The following VPS8 variants were observed in gnomAD, a reference collection of about 807,000 sequenced individuals.
VPS8 encodes the protein vacuolar protein sorting-associated protein 8 homolog.
In VPS8, 129 loss-of-function variants were observed where a neutral mutation model predicts 216.4. That is an observed-to-expected ratio of 0.60 (90% CI 0.52 to 0.69). The LOEUF is 0.69. Among genes scored for constraint, VPS8 ranks in the 30% least tolerant of loss-of-function variants. The pLI, the probability that VPS8 is intolerant of heterozygous loss-of-function variation, is 0.00. For synonymous variants in VPS8, 571 were observed against 565.4 expected, an observed-to-expected ratio of 1.01 and a Z score of -0.14; for missense variants, 1,531 against 1,683.5, an observed-to-expected ratio of 0.91 and a Z score of 1.59.
In VPS8 at chr3:184,984,214, T is replaced by C. The variant is rs1370635686; in HGVS notation, c.3585+1120T>C. Among the ~76,000 whole-genome samples, 7 of 117,382 alleles carry C rather than the reference T, an allele frequency of 6.0e-5. No homozygotes were observed. The Admixed American group carries it at 6.6e-4, about 11-fold the overall frequency. The allele number at this position is 117,382 out of a possible 152,430, so 77.0% of individuals were successfully genotyped here. ...AAAAAACTCTACTTCCCATCTGATATTAAGCTTCTGGGGCTTTTCTGATAA... is the reference window on the plus strand; with the variant it reads ...AAAAAACTCTACTTCCCATCTGATACTAAGCTTCTGGGGCTTTTCTGATAA... On this transcript the variant is annotated intron_variant, in intron 42 of 47. Coordinates refer to ENST00000625842, the MANE Select transcript of VPS8 (RefSeq NM_001009921.3).
chr3:184,958,573 T>C (rs2109489328), intron 37 of VPS8, among the ~76,000 whole-genome samples: 1 of 152,284 alleles, frequency 6.6e-6, no homozygotes, highest in South Asian at 2.1e-4. Flanking sequence ...GAACTTTCTG[T>C]CCATAAATAA....
At chr3:184,993,572 A>G (rs1752210734) in intron 42 of VPS8, among the ~76,000 whole-genome samples, 1 of 152,122 alleles carries the variant, frequency 6.6e-6, no homozygotes, top group Non-Finnish European at 1.5e-5. Context: ...TGAGTTGGTT[A>G]GGGGCAGGAA....
intron 40 of VPS8, among the ~76,000 whole-genome samples, chr3:184,978,951 C>A (rs1749747580): frequency 6.6e-6 from 1 of 152,122 alleles, no homozygotes; most frequent in South Asian, 2.1e-4. Context: ...TATAAACTTA[C>A]CTCTTAACAC....
At chr3:184,959,667 T>A (rs187601467) in intron 37 of VPS8, among the ~76,000 whole-genome samples, 56 of 152,258 alleles carry the variant, frequency 3.7e-4, no homozygotes, top group Middle Eastern at 3.4e-3. Context: ...AATGTCAGGT[T>A]AGCAATTTTA....
intron 39 of VPS8, among the ~76,000 whole-genome samples, chr3:184,968,494 C>A (rs1252655887): frequency 6.6e-6 from 1 of 152,208 alleles, no homozygotes; most frequent in African/African-American, 2.4e-5. Context: ...TACATTCCCA[C>A]CAACAGTACA....
At chr3:184,956,001 T>G (rs1197745901) in intron 36 of VPS8, among the ~76,000 whole-genome samples, 1 of 152,132 alleles carries the variant, frequency 6.6e-6, no homozygotes, top group Non-Finnish European at 1.5e-5. Flanking sequence ...CTTTGGAATT[T>G]ATAGCCAATT....
At chr3:184,965,138 C>A (rs1044772977) in intron 38 of VPS8, among the ~76,000 whole-genome samples, 2 of 152,048 alleles carry the variant, frequency 1.3e-5, no homozygotes, top group African/African-American at 4.8e-5. Context: ...GGTGAAGTGA[C>A]GTAGCAGTTT....
rs527800417 is a variant in VPS8 at position 184,926,402 on chromosome 3, ATAGT to A, written c.2575-188_2575-185del. ...AATAAATAAATAAATAAATAAATAA[ATAGT>A]TAGCACACCTGCACCTGATGTTACA... On this transcript the variant is annotated intron_variant, in intron 30 of 47. Coordinates refer to ENST00000625842, the MANE Select transcript of VPS8 (RefSeq NM_001009921.3). 3.2e-4 allele frequency among the ~76,000 whole-genome samples: 47 copies of A among 148,936 alleles called. No individual in the cohort carries two copies. In the South Asian group the frequency reaches 4.2e-3, roughly 13 times the overall value.
chr3:185,042,653 C>G (rs569104738), intron 46 of VPS8, among the ~76,000 whole-genome samples: 1 of 152,300 alleles, frequency 6.6e-6, no homozygotes, highest in African/African-American at 2.4e-5. Context: ...CTTCCCCTGC[C>G]TGTGAAGTAG....
rs772232273 is a variant in VPS8 at position 184,920,245 on chromosome 3, G to A, written c.2454+47G>A. 3.9e-6 allele frequency: 5 copies of A among 1,274,030 alleles called. No homozygotes were observed. In the South Asian group the frequency reaches 8.2e-5, roughly 21 times the overall value. The allele number at this position is 1,274,030 out of a possible 1,614,324, so 78.9% of individuals were successfully genotyped here. ...GTCTTTATATTGATATTTATATTAA[G>A]ATAGTTGAGCTGTTTTATAGCAGGT... On this transcript the variant is annotated intron_variant, in intron 29 of 47. Coordinates refer to ENST00000625842, the MANE Select transcript of VPS8 (RefSeq NM_001009921.3).
rs759980329 is a variant in VPS8, at chr3:184,936,311, T to A, written c.2964T>A (p.Ile988=). The part of the protein sequence containing the change: ...ELVATHFSGH[I]ETVIKKLQNQ... ...TTGCCACCCACTTTTCTGGACATAT[T>A]GAAACGGTCATTAAAAAACTTCAGG... The change falls in exon 35 of 48, where the codon ATT becomes ATA. Residue 988 remains isoleucine (I), a synonymous_variant. Transcript: ENST00000625842. 5 of 1,611,504 alleles carry A rather than the reference T, an allele frequency of 3.1e-6. No homozygotes were observed. Among genetic ancestry groups the A allele is most frequent in the Non-Finnish European group, 4.2e-6 (5 of 1,178,818 alleles).
chr3:184,885,617 G>A (rs1270554143), intron 21 of VPS8, among the ~76,000 whole-genome samples: 3 of 152,110 alleles, frequency 2.0e-5, no homozygotes, highest in African/African-American at 7.2e-5. Flanking sequence ...ATTTGCTTAT[G>A]GTTTTCTTTT....
chr3:184,947,318 C>T (rs1174004370), intron 36 of VPS8, among the ~76,000 whole-genome samples: 1 of 152,108 alleles, frequency 6.6e-6, no homozygotes, highest in East Asian at 1.9e-4. Flanking sequence ...ACTTTCCTTT[C>T]AGAAAGTTTC....
At chr3:184,958,967 A>T (rs1251868340) in intron 37 of VPS8, among the ~76,000 whole-genome samples, 1 of 152,216 alleles carries the variant, frequency 6.6e-6, no homozygotes, top group Non-Finnish European at 1.5e-5. Flanking sequence ...GTGATTGGCC[A>T]TTTAGGCTTT....
In VPS8 at chr3:184,902,813, G is replaced by T. The variant is rs145209939; in HGVS notation, c.2146+1841G>T. ...CCACTGTACTCTAGCTGGGGCAACA[G>T]AGTGAGATGCTGTCTCAAAAAAAAA... On this transcript the variant is annotated intron_variant, in intron 25 of 47. Coordinates refer to ENST00000625842, the MANE Select transcript of VPS8 (RefSeq NM_001009921.3). Among the ~76,000 whole-genome samples, 40 of 148,474 alleles carry T rather than the reference G, an allele frequency of 2.7e-4. No homozygotes were observed. The East Asian group carries it at 7.2e-3, about 27-fold the overall frequency.
rs199646726 is a variant in VPS8, at chr3:184,936,212, T to C, written c.2899-34T>C. ...GTGGATATGCTGTTTAAATGAGCCATTAGAGATGGCTTTGTCTTTTCCTTT... is the reference window on the plus strand; with the variant it reads ...GTGGATATGCTGTTTAAATGAGCCACTAGAGATGGCTTTGTCTTTTCCTTT... On this transcript the variant is annotated intron_variant, in intron 34 of 47. Transcript: ENST00000625842. The C allele has an allele frequency of 8.3e-6, 13 of 1,567,088 alleles. No homozygotes were observed. The African/African-American group carries it at 1.5e-4, about 18-fold the overall frequency.
chr3:184,913,589 A>G (rs2109074613), intron 26 of VPS8, 28 bp downstream of exon 26: 1 of 1,515,804 alleles, frequency 6.6e-7, no homozygotes, highest in Non-Finnish European at 9.0e-7. Flanking sequence ...ATTCATCTGC[A>G]TGTATGTTCT....
chr3:184,861,366 C>A (rs973750167), intron 15 of VPS8, among the ~76,000 whole-genome samples: 3 of 152,136 alleles, frequency 2.0e-5, no homozygotes, highest in African/African-American at 7.2e-5. Context: ...TTTTCCTCAA[C>A]TTGATAACTG....
chr3:185,042,320 C>G (rs2108511315), intron 46 of VPS8, among the ~76,000 whole-genome samples: 1 of 152,334 alleles, frequency 6.6e-6, no homozygotes. Flanking sequence ...TCTGCTAGGG[C>G]AGATCCCCGG....
Sources: gnomAD v4.1 joint callset for allele counts (sites outside exome capture counted in the v4.1 genomes callset) on GRCh38, gnomAD v4.1.1 for gene constraint, MANE v1.5 for transcripts, NCBI Gene and HGNC (gene_info 2026-07-23, HGNC 2026-07-21) for gene names.